HGF: variants seen among roughly 807,000 people sequenced by gnomAD.
HGF encodes fibroblast-derived tumor cytotoxic factor.
HGF carries 39 observed loss-of-function variants against 111.6 expected under a neutral mutation model. That is an observed-to-expected ratio of 0.35 (90% CI 0.27 to 0.46). HGF has a LOEUF of 0.46. HGF is among the 20% of genes least tolerant of loss of function. The probability of loss-of-function intolerance (pLI) is 1.00; values close to 1 mark genes in which losing one functional copy is unlikely to be tolerated. For synonymous variants in HGF, 285 were observed against 294.8 expected, an observed-to-expected ratio of 0.97 and a Z score of 0.34; for missense variants, 735 against 910.5, an observed-to-expected ratio of 0.81 and a Z score of 2.48.
rs1269679496 is a variant in HGF, at chr7:81,738,964, C to T, written c.865+4389G>A. 2.0e-5 allele frequency among the ~76,000 whole-genome samples: 3 copies of T among 152,122 alleles called. No individual in the cohort carries two copies. The East Asian group carries it at 5.8e-4, about 29-fold the overall frequency. On this transcript the variant is annotated intron_variant, in intron 7 of 17. Transcript: ENST00000222390. ...GAATTGCTGATGCCCAAGGCTTTTG[C>T]TATCCCTGTTCACTTGTGACTTTCC...
rs1465881617 is a variant in HGF at position 81,767,660 on chromosome 7, T to TATATTGA, written c.88+2217_88+2223dup. On this transcript the variant is annotated intron_variant, in intron 1 of 17. Coordinates refer to ENST00000222390, the MANE Select transcript of HGF (RefSeq NM_000601.6). ...TCCTACAAAGATGGCGGGGGCCCAT[T>TATATTGA]ATATTGAATATTTCTTAAGCTTTTA... 7.3e-4 allele frequency among the ~76,000 whole-genome samples: 111 copies of TATATTGA among 152,214 alleles called. 1 individual carries two copies. The highest frequency in any genetic ancestry group is 1.3e-4 in the Non-Finnish European group (9 of 68,038).
chr7:81,736,092 T>C (rs1040204351), intron 7 of HGF, among the ~76,000 whole-genome samples: 1 of 151,852 alleles, frequency 6.6e-6, no homozygotes, highest in Non-Finnish European at 1.5e-5. Flanking sequence ...ACCTTAGTTA[T>C]CAAAGATCTA....
chr7:81,713,999 TG>T (rs1446408108), intron 11 of HGF, among the ~76,000 whole-genome samples: 1 of 141,590 alleles, frequency 7.1e-6, no homozygotes, highest in African/African-American at 2.5e-5. Context: ...CGTGTGTGTG[TG>T]TGTGTGTGTG....
intron 13 of HGF, among the ~76,000 whole-genome samples, chr7:81,708,735 A>G (rs1583918335): frequency 6.7e-6 from 1 of 150,210 alleles, no homozygotes; most frequent in Admixed American, 6.6e-5. Flanking sequence ...GAGCCACCAC[A>G]CCCAGCCTCT....
At chr7:81,708,451 G>C (rs757579623) in intron 13 of HGF, among the ~76,000 whole-genome samples, 116 of 149,166 alleles carry the variant, frequency 7.8e-4, no homozygotes, top group Admixed American at 3.1e-3. Context: ...TTATCCTCTG[G>C]GGTTATAAGA....
intron 13 of HGF, 146 bp from the exon 14 acceptor site, chr7:81,707,510 A>C: frequency 1.5e-6 from 1 of 645,818 alleles, no homozygotes; most frequent in Non-Finnish European, 2.8e-6. Context: ...TAAAATGAGA[A>C]GTTCTTTTAT....
intron 5 of HGF, among the ~76,000 whole-genome samples, chr7:81,745,801 A>C (rs5745659): frequency 0.021 from 3,175 of 152,340 alleles, 110 homozygotes; most frequent in African/African-American, 0.071. Flanking sequence ...AAAATGTATA[A>C]GCTAATGTAA....
At chr7:81,726,042 T>C in intron 8 of HGF, 25 bp from the exon 9 acceptor site, 1 of 1,613,158 alleles carries the variant, frequency 6.2e-7, no homozygotes, top group South Asian at 1.1e-5. Context: ...CATGTTAATG[T>C]AAATTGCCGG....
intron 8 of HGF, among the ~76,000 whole-genome samples, chr7:81,727,581 T>A (rs200848979): frequency 3.8e-4 from 58 of 151,886 alleles, no homozygotes; most frequent in Non-Finnish European, 5.3e-4. Context: ...CTTACATTTT[T>A]AAAAAAAATC....
At chr7:81,746,598 G>C (rs928406060) in intron 5 of HGF, among the ~76,000 whole-genome samples, 4 of 152,048 alleles carry the variant, frequency 2.6e-5, no homozygotes, top group African/African-American at 7.2e-5. Flanking sequence ...ACACATAAAA[G>C]ATAAGTATTC....
chr7:81,754,234 A>G (rs968595349), intron 4 of HGF, among the ~76,000 whole-genome samples: 1 of 152,002 alleles, frequency 6.6e-6, no homozygotes, highest in African/African-American at 2.4e-5. Flanking sequence ...GATGAATAAT[A>G]CGAACTATAA....
intron 17 of HGF, among the ~76,000 whole-genome samples, chr7:81,704,425 CT>C (rs1014194923): frequency 7.3e-5 from 11 of 151,506 alleles, no homozygotes; most frequent in African/African-American, 2.4e-4. Context: ...TAAATGTTCC[CT>C]TGTTATAATG....
intron 11 of HGF, among the ~76,000 whole-genome samples, chr7:81,713,064 T>C (rs1354212179): frequency 2.0e-5 from 3 of 152,192 alleles, no homozygotes; most frequent in African/African-American, 7.2e-5. Flanking sequence ...AGTCAAATAC[T>C]TGAAAATGTT....
intron 8 of HGF, among the ~76,000 whole-genome samples, chr7:81,726,414 C>T (rs1368655506): frequency 2.6e-5 from 4 of 152,164 alleles, no homozygotes; most frequent in Non-Finnish European, 5.9e-5. Context: ...CAACACATAT[C>T]TCTCTTTGTG....
chr7:81,709,883 C>T (rs900767048), intron 13 of HGF, among the ~76,000 whole-genome samples: 1 of 152,032 alleles, frequency 6.6e-6, no homozygotes, highest in Non-Finnish European at 1.5e-5. Context: ...TAATCGGAAC[C>T]AAAGTGTCTC....
chr7:81,723,838 A>C (rs918065089), intron 9 of HGF, among the ~76,000 whole-genome samples: 32 of 150,640 alleles, frequency 2.1e-4, no homozygotes, highest in African/African-American at 7.5e-4. Flanking sequence ...ATATATACAC[A>C]TATATATATA....
At chr7:81,741,069 C>T (rs547895682) in intron 7 of HGF, among the ~76,000 whole-genome samples, 46 of 152,290 alleles carry the variant, frequency 3.0e-4, no homozygotes, top group African/African-American at 1.0e-3. Flanking sequence ...AAAGAATATT[C>T]ATAAAACATT....
chr7:81,722,845 G>GTATA lies in HGF; in HGVS notation c.1169-2002_1169-1999dup, dbSNP rs144391393. ...AAAAAAAAAAAAGAAATTTAAAAAG[G>GTATA]TATATATATATATATATGTTGCATT... On this transcript the variant is annotated intron_variant, in intron 9 of 17. Coordinates refer to ENST00000222390, the MANE Select transcript of HGF (RefSeq NM_000601.6). 3.1e-4 allele frequency among the ~76,000 whole-genome samples: 41 copies of GTATA among 132,622 alleles called. 1 individual carries two copies. Among genetic ancestry groups the GTATA allele is most frequent in the African/African-American group, 1.2e-3 (38 of 30,636 alleles). The allele number at this position is 132,622 out of a possible 152,430, so 87.0% of individuals were successfully genotyped here. A position where few individuals can be genotyped will look rare whatever the true frequency, so the allele number is the denominator to read the frequency against.
chr7:81,756,072 A>G, intron 4 of HGF: 1 of 701,582 alleles, frequency 1.4e-6, no homozygotes, highest in Non-Finnish European at 2.6e-6. Context: ...CACTGCAAAA[A>G]CAAATCACAG....
Sources: gnomAD v4.1 joint callset for allele counts (sites outside exome capture counted in the v4.1 genomes callset) on GRCh38, gnomAD v4.1.1 for gene constraint, MANE v1.5 for transcripts, NCBI Gene and HGNC (gene_info 2026-07-23, HGNC 2026-07-21) for gene names.